Variants in LRP1B observed in about 807,000 individuals in gnomAD.
The protein encoded by LRP1B is low-density lipoprotein receptor-related protein 1B.
Under a neutral mutation model 556.6 loss-of-function variants are expected in LRP1B, and 217 were observed. That is an observed-to-expected ratio of 0.39 (90% CI 0.35 to 0.44). The LOEUF (loss-of-function observed/expected upper bound fraction) is 0.44. LRP1B is among the 20% of genes least tolerant of loss of function. The pLI is 1.00. For synonymous variants in LRP1B, 2,047 were observed against 1,865.8 expected (o/e 1.10, Z -2.50); for missense variants, 5,053 against 5,620.8 (o/e 0.90, Z 3.23).
intron 84 of LRP1B, among the ~76,000 whole-genome samples, chr2:140,292,710 T>C (rs551566000): frequency 1.3e-5 from 2 of 152,284 alleles, no homozygotes; most frequent in South Asian, 2.1e-4. Flanking sequence ...TGTGAGTTTA[T>C]TGAGAATAGA....
chr2:140,274,674 CTTTCA>C lies in LRP1B; in HGVS notation c.12968-81_12968-77del, dbSNP rs1386327479. On this transcript the variant is annotated intron_variant, in intron 84 of 90. Transcript: ENST00000389484. ...TTCTTCAGTCATAATTAAGGTGACC[CTTTCA>C]TTTATTACTTAAAAATAATAGGTAG... The C allele has an allele frequency of 6.7e-6, 8 of 1,202,868 alleles. No individual in the cohort carries two copies. The East Asian group carries it at 1.0e-4, about 15-fold the overall frequency. 74.5% of individuals were successfully genotyped at this position (1,202,868 alleles called of 1,614,324 possible). A position where few individuals can be genotyped will look rare whatever the true frequency, so the allele number is the denominator to read the frequency against.
intron 2 of LRP1B, among the ~76,000 whole-genome samples, chr2:141,632,002 A>G (rs1688931545): frequency 6.6e-6 from 1 of 152,016 alleles, no homozygotes; most frequent in South Asian, 2.1e-4. Context: ...AGCTCACTGC[A>G]GCTTGAGCCT....
At chr2:141,135,044 G>A (rs957462298) in intron 7 of LRP1B, among the ~76,000 whole-genome samples, 1 of 151,752 alleles carries the variant, frequency 6.6e-6, no homozygotes, top group African/African-American at 2.4e-5. Context: ...ATCGAAGTGA[G>A]TGAAGATTGG....
intron 3 of LRP1B, among the ~76,000 whole-genome samples, chr2:141,423,309 T>G (rs1213167327): frequency 1.6e-5 from 2 of 126,520 alleles, no homozygotes; most frequent in East Asian, 2.8e-4. Flanking sequence ...TTTTTTTTTT[T>G]TTTTTTTAAG....
intron 1 of LRP1B, among the ~76,000 whole-genome samples, chr2:142,001,160 T>A (rs1702641128): frequency 6.6e-6 from 1 of 152,170 alleles, no homozygotes; most frequent in African/African-American, 2.4e-5. Context: ...TGCAAGTCCA[T>A]TAAACCTCTT....
At chr2:141,444,405 A>G (rs1421714970) in intron 3 of LRP1B, among the ~76,000 whole-genome samples, 1 of 152,092 alleles carries the variant, frequency 6.6e-6, no homozygotes, top group Non-Finnish European at 1.5e-5. Context: ...CTCTCTTCCT[A>G]TTTGAATACG....
chr2:142,075,314 G>T (rs1399330191), intron 1 of LRP1B, among the ~76,000 whole-genome samples: 1 of 152,042 alleles, frequency 6.6e-6, no homozygotes, highest in African/African-American at 2.4e-5. Context: ...TGTATTAATA[G>T]AGTAAGTAAT....
chr2:140,764,630 T>A (rs1287180623), intron 35 of LRP1B, among the ~76,000 whole-genome samples: 2 of 152,176 alleles, frequency 1.3e-5, no homozygotes, highest in Non-Finnish European at 2.9e-5. Context: ...TTTTAAAATA[T>A]GTTTTAATTT....
In LRP1B at chr2:141,382,212, G is replaced by A. The variant is rs549197027; in HGVS notation, c.343+98184C>T. 1.1e-4 allele frequency among the ~76,000 whole-genome samples: 16 copies of A among 152,248 alleles called. No homozygotes were observed. The East Asian group carries it at 3.1e-3, about 29-fold the overall frequency. ...GCAGTGAACCTGAAAATTGCCATGT[G>A]GAGTGACTCCAGCCCCCTTCAACTG... On this transcript the variant is annotated intron_variant, in intron 3 of 90. Coordinates refer to ENST00000389484, the MANE Select transcript of LRP1B (RefSeq NM_018557.3).
chr2:141,031,895 T>C (rs1003880253), intron 11 of LRP1B, among the ~76,000 whole-genome samples: 2 of 151,958 alleles, frequency 1.3e-5, no homozygotes, highest in Admixed American at 6.6e-5. Context: ...TTACAACTTA[T>C]ATTAATGTGA....
chr2:141,035,317 G>A (rs963648857), intron 11 of LRP1B, among the ~76,000 whole-genome samples: 4 of 151,488 alleles, frequency 2.6e-5, no homozygotes, highest in Non-Finnish European at 4.4e-5. Context: ...TAACTAACCT[G>A]CACATTGTGC....
intron 7 of LRP1B, among the ~76,000 whole-genome samples, chr2:141,096,629 G>GAGGGGGAGA (rs1558858138): frequency 5.0e-5 from 3 of 59,744 alleles, no homozygotes; most frequent in African/African-American, 2.2e-4. Flanking sequence ...GGGGAGAGGG[G>GAGGGGGAGA]GAGAGAGAGA....
intron 37 of LRP1B, among the ~76,000 whole-genome samples, chr2:140,712,933 CTGT>C (rs145358333): frequency 7.2e-5 from 11 of 151,780 alleles, no homozygotes; most frequent in African/African-American, 1.7e-4. Context: ...GTTTTTGTTG[CTGT>C]TGTTGTTGTT....
At chr2:140,992,052 G>C (rs1291602455) in intron 16 of LRP1B, among the ~76,000 whole-genome samples, 2 of 152,058 alleles carry the variant, frequency 1.3e-5, no homozygotes, top group Admixed American at 1.3e-4. Flanking sequence ...GTGGGCTAAA[G>C]TTAAGGGAGG....
rs974435540 is a variant in LRP1B, at chr2:140,494,708, T to A, written c.9034+857A>T. On this transcript the variant is annotated intron_variant, in intron 56 of 90. Transcript: ENST00000389484. ...GAATGAAAAATTGAAAGGAGTTAAT[T>A]TTTTTTTCTTCATAATGTGTAAAGT... Among the ~76,000 whole-genome samples, 10 of 151,900 alleles carry A rather than the reference T, an allele frequency of 6.6e-5. No homozygotes were observed. The South Asian group carries it at 2.1e-3, about 32-fold the overall frequency.
intron 3 of LRP1B, among the ~76,000 whole-genome samples, chr2:141,432,990 A>T (rs1472295010): frequency 1.3e-5 from 2 of 151,966 alleles, no homozygotes; most frequent in Non-Finnish European, 2.9e-5. Flanking sequence ...TAAGTTATCT[A>T]TGTGAGACTT....
At chr2:141,644,892 A>G (rs1038321572) in intron 2 of LRP1B, among the ~76,000 whole-genome samples, 1 of 152,046 alleles carries the variant, frequency 6.6e-6, no homozygotes, top group Non-Finnish European at 1.5e-5. Context: ...ACCCAGCACA[A>G]TTATTTAGCA....
At chr2:141,441,708 C>G (rs996202041) in intron 3 of LRP1B, among the ~76,000 whole-genome samples, 15 of 152,112 alleles carry the variant, frequency 9.9e-5, no homozygotes, top group African/African-American at 3.6e-4. Flanking sequence ...AGGAACACTT[C>G]AAGAGAATCA....
At chr2:141,762,752 G>GT (rs552207583) in intron 2 of LRP1B, among the ~76,000 whole-genome samples, 41 of 152,232 alleles carry the variant, frequency 2.7e-4, no homozygotes, top group Admixed American at 1.5e-3. Context: ...TGACTATAGT[G>GT]TTTTTCTTTA....
Sources: allele counts gnomAD v4.1 joint callset (sites outside exome capture counted in the v4.1 genomes callset), GRCh38; gene constraint gnomAD v4.1.1; transcripts MANE v1.5; gene names NCBI Gene and HGNC (gene_info 2026-07-23, HGNC 2026-07-21).